Variants in TG observed in about 807,000 individuals in gnomAD.
The protein encoded by TG is thyroglobulin.
In TG, 270 loss-of-function variants were observed where a neutral mutation model predicts 324.7. That is an observed-to-expected ratio of 0.83 (90% CI 0.75 to 0.92). The LOEUF is 0.92. Ranked by LOEUF, TG falls within the 40% of genes least tolerant of loss-of-function variation. The pLI is 0.00. For missense variants in TG, 3,591 were observed against 3,456.4 expected (o/e 1.04, Z -0.98); for synonymous variants, 1,401 against 1,327.0 (o/e 1.06, Z -1.21).
chr8:133,030,632 C>T (rs1326500987), intron 41 of TG, among the ~76,000 whole-genome samples: 2 of 152,224 alleles, frequency 1.3e-5, no homozygotes, highest in African/African-American at 2.4e-5. Context: ...AAACATTATA[C>T]ATAACCCAGT....
intron 43 of TG, chr8:133,102,897 C>G (rs1039331859): frequency 2.1e-5 from 7 of 326,276 alleles, no homozygotes; most frequent in African/African-American, 1.5e-4. Flanking sequence ...GGAGTGGGGG[C>G]CCTGTGGGTA....
At chr8:132,940,277 C>T (rs374215334) in intron 25 of TG, among the ~76,000 whole-genome samples, 1 of 152,096 alleles carries the variant, frequency 6.6e-6, no homozygotes, top group Non-Finnish European at 1.5e-5. Context: ...TGTGTAAACC[C>T]GAGCCAGACA....
chr8:133,018,515 G>GA (rs1835265431), intron 38 of TG, among the ~76,000 whole-genome samples: 2 of 138,762 alleles, frequency 1.4e-5, no homozygotes, highest in Non-Finnish European at 3.1e-5. Context: ...TTCCCACTAG[G>GA]AAAAAAATTA....
rs770622224 is a variant in TG, at chr8:132,908,179, C to G, written c.3848-7C>G. ...TGCCTCTGCTGATCTCTGGTGCTTG[C>G]CTGCAGGGCCCCAGCTGTGGCAGAC... On this transcript the variant is annotated splice_region_variant and splice_polypyrimidine_tract_variant and intron_variant, in intron 17 of 47. Coordinates refer to ENST00000220616, the MANE Select transcript of TG (RefSeq NM_003235.5). The G allele has an allele frequency of 6.2e-6, 10 of 1,613,664 alleles. No individual in the cohort carries two copies. The highest frequency in any genetic ancestry group is 1.7e-5 in the Admixed American group (1 of 60,008).
chr8:132,904,004 T>C (rs545563449), intron 16 of TG, among the ~76,000 whole-genome samples: 64 of 152,364 alleles, frequency 4.2e-4, no homozygotes, highest in Middle Eastern at 6.8e-3. Flanking sequence ...AGATACCAAG[T>C]TGCCTCTCTC....
At position 132,913,277 on chromosome 8, in the gene TG, C is replaced by G. The variant is rs371532643; in HGVS notation, c.4378+12C>G. On this transcript the variant is annotated intron_variant, in intron 20 of 47. Coordinates refer to ENST00000220616, the MANE Select transcript of TG (RefSeq NM_003235.5). ...CGGACTGGGATGCGGTAGGTCCACTCTCTCCCTGGATATCTCCTGTGGAGC... is the reference window on the plus strand; with the variant it reads ...CGGACTGGGATGCGGTAGGTCCACTGTCTCCCTGGATATCTCCTGTGGAGC... 18 of 1,612,936 alleles carry G rather than the reference C, an allele frequency of 1.1e-5. No individual in the cohort carries two copies. The highest frequency in any genetic ancestry group is 1.5e-5 in the Non-Finnish European group (18 of 1,179,470).
At chr8:132,926,864 T>C (rs766595492) in intron 22 of TG, among the ~76,000 whole-genome samples, 2 of 152,178 alleles carry the variant, frequency 1.3e-5, no homozygotes, top group Non-Finnish European at 2.9e-5. Context: ...CACTCCTGAG[T>C]TGGTGCCTCT....
intron 43 of TG, among the ~76,000 whole-genome samples, chr8:133,111,442 G>T (rs1770429305): frequency 1.3e-5 from 2 of 152,356 alleles, no homozygotes; most frequent in African/African-American, 2.4e-5. Flanking sequence ...AGGGGTGCCA[G>T]TGGGTTACTA....
At chr8:133,061,416 C>T (rs1055942750) in intron 41 of TG, among the ~76,000 whole-genome samples, 6 of 151,996 alleles carry the variant, frequency 3.9e-5, no homozygotes, top group African/African-American at 4.8e-5. Flanking sequence ...TTGAACGTGG[C>T]GTGGCATAGA....
intron 35 of TG, among the ~76,000 whole-genome samples, chr8:132,995,799 A>G (rs1264200944): frequency 6.6e-6 from 1 of 152,238 alleles, no homozygotes; most frequent in East Asian, 1.9e-4. Context: ...ATGAGGCCAT[A>G]GAAGGAATAT....
rs1276080925 is a variant in TG at position 132,935,625 on chromosome 8, C to T, written c.4933-131C>T. On this transcript the variant is annotated intron_variant, in intron 24 of 47. Coordinates refer to ENST00000220616, the MANE Select transcript of TG (RefSeq NM_003235.5). ...GTTACTGCTTACACATCTGTCTCCTCCAATAGACCAGGAGCAACTAACTTA... is the reference window on the plus strand; with the variant it reads ...GTTACTGCTTACACATCTGTCTCCTTCAATAGACCAGGAGCAACTAACTTA... 5 of 773,708 alleles carry T rather than the reference C, an allele frequency of 6.5e-6. No individual in the cohort carries two copies. In the East Asian group the frequency reaches 8.0e-5, roughly 12 times the overall value. 47.9% of individuals were successfully genotyped at this position (773,708 alleles called of 1,614,324 possible).
chr8:133,007,591 C>T (rs546830312), intron 35 of TG, among the ~76,000 whole-genome samples: 2 of 152,118 alleles, frequency 1.3e-5, no homozygotes, highest in African/African-American at 4.8e-5. Context: ...TGACCCTGAT[C>T]AGGATTTGTT....
rs1814793960 is a variant in TG at position 132,882,583 on chromosome 8, TTCAA to T, written c.864_867del (p.Val290SerfsTer111). On this transcript the variant is annotated frameshift_variant, in exon 7 of 48. Coordinates refer to ENST00000220616, the MANE Select transcript of TG (RefSeq NM_003235.5). LOFTEE classifies it high-confidence loss of function. Reference sequence around the variant, plus strand: ...ATACTGCAGAGACGGTTCCTCGCAGTTCAATCAGTCATCTCTGGCAGATTCCGAT... The same window carrying T: ...ATACTGCAGAGACGGTTCCTCGCAGTTCAGTCATCTCTGGCAGATTCCGAT... 7.4e-6 allele frequency: 12 copies of T among 1,614,220 alleles called. No homozygotes were observed. Among genetic ancestry groups the T allele is most frequent in the Non-Finnish European group, 1.0e-5 (12 of 1,180,046 alleles).
chr8:133,045,089 T>A (rs760967434), intron 41 of TG: 2 of 1,614,224 alleles, frequency 1.2e-6, no homozygotes, highest in Admixed American at 3.3e-5. Flanking sequence ...TTTACCTGCC[T>A]GTGTCTCACC....
chr8:132,869,816 G>A lies in TG; in HGVS notation c.264G>A (p.Arg88=). 6.2e-7 allele frequency: 1 copy of A among 1,614,006 alleles called. No homozygotes were observed. Among genetic ancestry groups the A allele is most frequent in the Non-Finnish European group, 8.5e-7 (1 of 1,180,010 alleles). Residue 88 remains arginine, a synonymous_variant, in exon 3 of 48, where the codon CGG becomes CGA. Transcript: ENST00000220616. ...TGCTGGGCAGCAGGCAGCCAGGACG[G>A]CCTGTGGCTTGTAAGTGGGAGTGGG... ...SEVLGSRQPG[R]PVACLSFCQL...
rs921658842 is a variant in TG, at chr8:132,999,794, T to A, written c.6263-12107T>A. 1.2e-4 allele frequency among the ~76,000 whole-genome samples: 19 copies of A among 152,236 alleles called. 2 individuals carry two copies. Among genetic ancestry groups the A allele is most frequent in the Admixed American group, 6.5e-4 (10 of 15,282 alleles). On this transcript the variant is annotated intron_variant, in intron 35 of 47. Transcript: ENST00000220616. ...ATTTCTTCTTAGAAGATATTTACTA[T>A]CTTCTCAGTGAGCAGAAGGTCACTG...
Position 133,113,496 on chromosome 8 carries a change from C to A in TG, c.7647C>A (p.Gly2549=). ...FYQALQNSLG[G]EDSDARVEAA... ...AGGCACTGCAGAATTCTCTGGGTGGCGAGGACTCAGATGCCCGCGTCGAGG... is the reference window on the plus strand; with the variant it reads ...AGGCACTGCAGAATTCTCTGGGTGGAGAGGACTCAGATGCCCGCGTCGAGG... The change falls in exon 44 of 48, where the codon GGC becomes GGA. Residue 2549 remains glycine (G), a synonymous_variant. Transcript: ENST00000220616. The A allele has an allele frequency of 6.2e-7, 1 of 1,613,912 alleles. No homozygotes were observed. Among genetic ancestry groups the A allele is most frequent in the Non-Finnish European group, 8.5e-7 (1 of 1,179,978 alleles).
intron 25 of TG, among the ~76,000 whole-genome samples, chr8:132,937,001 A>G (rs1823705837): frequency 6.7e-6 from 1 of 150,238 alleles, no homozygotes; most frequent in Non-Finnish European, 1.5e-5. Flanking sequence ...ATGGTGGACC[A>G]AGGTCATCGG....
In TG at chr8:132,967,878, A is replaced by G; in HGVS notation, c.5771A>G (p.Glu1924Gly). 1 of 1,613,960 alleles carries G rather than the reference A, an allele frequency of 6.2e-7. No individual in the cohort carries two copies. The highest frequency in any genetic ancestry group is 8.5e-7 in the Non-Finnish European group (1 of 1,179,944). Residue 1924 changes from glutamate (E) to glycine (G), a missense_variant, in exon 31 of 48, where the codon GAG becomes GGG. Transcript: ENST00000220616. ...TACTTCACCTGCACCCTCTACCCAG[A>G]GGCACAGGTGTGTGATGACATCATG... is the stretch of plus-strand genomic sequence containing the variant. ...SLYFTCTLYP[E>G]AQVCDDIMES...
Sources: gnomAD v4.1 joint callset for allele counts (sites outside exome capture counted in the v4.1 genomes callset) on GRCh38, gnomAD v4.1.1 for gene constraint, MANE v1.5 for transcripts, NCBI Gene and HGNC (gene_info 2026-07-23, HGNC 2026-07-21) for gene names.